PTPRG: variants seen among roughly 807,000 people sequenced by gnomAD.
PTPRG encodes protein tyrosine phosphatase receptor type G.
A neutral mutation model predicts 165.3 loss-of-function variants in PTPRG; 102 were observed. The ratio of observed to expected loss-of-function variants is 0.62; its 90% CI spans 0.53 to 0.73. The LOEUF (loss-of-function observed/expected upper bound fraction) is 0.73, where lower values mean the gene tolerates loss of function less well. Among genes scored for constraint, PTPRG ranks in the 30% least tolerant of loss-of-function variants. The pLI is 0.00. For missense variants in PTPRG, 1,866 were observed against 1,861.4 expected, an observed-to-expected ratio of 1.00 and a Z score of -0.05; for synonymous variants, 675 against 669.5, an observed-to-expected ratio of 1.01 and a Z score of -0.13.
intron 2 of PTPRG, among the ~76,000 whole-genome samples, chr3:61,987,835 C>T (rs906804710): frequency 1.3e-5 from 2 of 152,066 alleles, no homozygotes; most frequent in Non-Finnish European, 1.5e-5. Flanking sequence ...CCTTACGTCT[C>T]GTTCGTCTCC....
intron 8 of PTPRG, among the ~76,000 whole-genome samples, chr3:62,184,342 A>G (rs997158742): frequency 1.3e-5 from 2 of 152,110 alleles, no homozygotes; most frequent in African/African-American, 4.8e-5. Context: ...GCTCTTGGGC[A>G]GGGATGGGGG....
chr3:61,686,231 C>G (rs1316968648), intron 1 of PTPRG, among the ~76,000 whole-genome samples: 1 of 152,198 alleles, frequency 6.6e-6, no homozygotes, highest in Non-Finnish European at 1.5e-5. Context: ...GGGACCTCAG[C>G]TCTTTCTGCC....
rs186858437 is a variant in PTPRG, at chr3:62,239,190, A to G, written c.2376-4617A>G. ...CACTGAAGAGAAATGATAATTTTGG[A>G]AAATGGCTCTTTGTGATCCTAGAAA... On this transcript the variant is annotated intron_variant, in intron 14 of 29. Coordinates refer to ENST00000474889, the MANE Select transcript of PTPRG (RefSeq NM_002841.4). Among the ~76,000 whole-genome samples, 3 of 152,272 alleles carry G rather than the reference A, an allele frequency of 2.0e-5. No individual in the cohort carries two copies. In the East Asian group the frequency reaches 5.8e-4, roughly 29 times the overall value.
intron 6 of PTPRG, among the ~76,000 whole-genome samples, chr3:62,144,786 A>G (rs906508030): frequency 6.6e-6 from 1 of 152,192 alleles, no homozygotes; most frequent in Middle Eastern, 3.2e-3. Flanking sequence ...TAGCCAGGAA[A>G]TGGGATGCTG....
chr3:62,274,557 T>C (rs1381475695), intron 23 of PTPRG, among the ~76,000 whole-genome samples: 1 of 152,174 alleles, frequency 6.6e-6, no homozygotes, highest in East Asian at 1.9e-4. Flanking sequence ...CACATTGTTC[T>C]GTATGTAAAT....
intron 1 of PTPRG, among the ~76,000 whole-genome samples, chr3:61,587,307 C>T (rs983995753): frequency 6.6e-6 from 1 of 152,166 alleles, no homozygotes; most frequent in Non-Finnish European, 1.5e-5. Context: ...CAAAGGATTT[C>T]TGTGTCCCCT....
At chr3:62,208,192 A>G (rs1700276122) in intron 12 of PTPRG, among the ~76,000 whole-genome samples, 1 of 152,046 alleles carries the variant, frequency 6.6e-6, no homozygotes, top group Non-Finnish European at 1.5e-5. Context: ...CCCTTTCACC[A>G]GGCTTTTTTC....
chr3:61,777,261 A>T (rs1343509583), intron 2 of PTPRG, among the ~76,000 whole-genome samples: 1 of 152,232 alleles, frequency 6.6e-6, no homozygotes, highest in Admixed American at 6.5e-5. Context: ...TACTTGCCAC[A>T]TGTGACCATG....
At chr3:61,811,521 T>C (rs1261789634) in intron 2 of PTPRG, among the ~76,000 whole-genome samples, 1 of 152,224 alleles carries the variant, frequency 6.6e-6, no homozygotes, top group Non-Finnish European at 1.5e-5. Flanking sequence ...TGGACAGTGA[T>C]GATGGAAATG....
Position 62,063,747 on chromosome 3 carries a change from C to T in PTPRG, c.520-14416C>T, listed in dbSNP as rs548907820. On this transcript the variant is annotated intron_variant, in intron 4 of 29. Coordinates refer to ENST00000474889, the MANE Select transcript of PTPRG (RefSeq NM_002841.4). ...TGAACTGCTGGCTTCGAGCAATCCT[C>T]CTGCCTCATCCTCCCAAAATGCTGG... 6.8e-4 allele frequency among the ~76,000 whole-genome samples: 104 copies of T among 152,296 alleles called. 3 individuals are homozygous for T. In the South Asian group the frequency reaches 0.019, roughly 28 times the overall value.
At chr3:61,579,952 T>G (rs867612942) in intron 1 of PTPRG, among the ~76,000 whole-genome samples, 3 of 152,206 alleles carry the variant, frequency 2.0e-5, no homozygotes, top group Non-Finnish European at 4.4e-5. Context: ...CTTAGAAGAT[T>G]TTTTGGAGAT....
At position 62,273,405 on chromosome 3, in the gene PTPRG, CT is replaced by C. The variant is rs1702138002; in HGVS notation, c.3319-291del. On this transcript the variant is annotated intron_variant, in intron 22 of 29. Transcript: ENST00000474889. The surrounding 1 kb of genome is among the most constrained non-coding windows in gnomAD (Gnocchi z 4.1). ...CATAGGAGAGGATGGTTCTAAAACC[CT>C]TCATTGAACACGATTTTTTGTTTGC... Among the ~76,000 whole-genome samples, 1 of 152,150 alleles carries C rather than the reference CT, an allele frequency of 6.6e-6. No homozygotes were observed. The highest frequency in any genetic ancestry group is 2.1e-4 in the South Asian group (1 of 4,832).
chr3:62,113,642 T>C (rs1043630561), intron 5 of PTPRG, among the ~76,000 whole-genome samples: 1 of 152,186 alleles, frequency 6.6e-6, no homozygotes, highest in Non-Finnish European at 1.5e-5. Flanking sequence ...TGAGGGACTA[T>C]TAAGGAAAAG....
chr3:61,904,159 C>T (rs887127690), intron 2 of PTPRG, among the ~76,000 whole-genome samples: 1 of 152,144 alleles, frequency 6.6e-6, no homozygotes, highest in East Asian at 1.9e-4. Context: ...CCTGTCCTTC[C>T]TCATTTTTAA....
At chr3:61,613,905 C>T (rs929151886) in intron 1 of PTPRG, among the ~76,000 whole-genome samples, 2 of 152,134 alleles carry the variant, frequency 1.3e-5, no homozygotes, top group Non-Finnish European at 2.9e-5. Context: ...GCATGGCTTT[C>T]TAGAATGATC....
chr3:61,611,447 A>C (rs1300224248), intron 1 of PTPRG, among the ~76,000 whole-genome samples: 2 of 152,200 alleles, frequency 1.3e-5, no homozygotes, highest in Non-Finnish European at 2.9e-5. Flanking sequence ...AAAAACTTGA[A>C]TGCTTTTTTG....
In PTPRG at chr3:61,936,990, C is replaced by T. The variant is rs145080288; in HGVS notation, c.191-52635C>T. 2.5e-4 allele frequency among the ~76,000 whole-genome samples: 38 copies of T among 152,262 alleles called. 1 individual carries two copies. Among genetic ancestry groups the T allele is most frequent in the African/African-American group, 8.4e-4 (35 of 41,548 alleles). ...GCTTTTAATCCCCACAGGTATCTTG[C>T]GAATCAGATGACCAGGCAGAGGAGG... On this transcript the variant is annotated intron_variant, in intron 2 of 29. Transcript: ENST00000474889.
Position 61,952,614 on chromosome 3 carries a change from C to T in PTPRG, c.191-37011C>T, listed in dbSNP as rs948219398. Among the ~76,000 whole-genome samples, 4 of 152,170 alleles carry T rather than the reference C, an allele frequency of 2.6e-5. No homozygotes were observed. In the East Asian group the frequency reaches 5.8e-4, roughly 22 times the overall value. On this transcript the variant is annotated intron_variant, in intron 2 of 29. Transcript: ENST00000474889. The stretch of plus-strand genomic sequence containing the variant: ...CTACTTCCTCCTTGACGCCGGAGTT[C>T]TCAGGACACCTTAAAACCAAGTTCA...
At chr3:62,032,929 A>T (rs1267687443) in intron 4 of PTPRG, among the ~76,000 whole-genome samples, 1 of 152,182 alleles carries the variant, frequency 6.6e-6, no homozygotes, top group Non-Finnish European at 1.5e-5. Flanking sequence ...TTATCTATAA[A>T]TGCGCACCTG....
Sources: allele counts gnomAD v4.1 joint callset (sites outside exome capture counted in the v4.1 genomes callset), GRCh38; gene constraint gnomAD v4.1.1; non-coding constraint Gnocchi (gnomAD v3.1); transcripts MANE v1.5; gene names NCBI Gene and HGNC (gene_info 2026-07-23, HGNC 2026-07-21).